Variants in KIF26B observed in about 807,000 individuals in gnomAD.
KIF26B encodes kinesin family member 26B, also known as kinesin-like protein KIF26B.
In KIF26B, 63 loss-of-function variants were observed where a neutral mutation model predicts 151.2. The ratio of observed to expected loss-of-function variants is 0.42; its 90% CI spans 0.34 to 0.51. The LOEUF (loss-of-function observed/expected upper bound fraction) is 0.51, where lower values mean the gene tolerates loss of function less well. Among genes scored for constraint, KIF26B ranks in the 20% least tolerant of loss-of-function variants. KIF26B has a pLI of 0.07. For missense variants in KIF26B, 2,813 were observed against 2,913.6 expected, an observed-to-expected ratio of 0.97 and a Z score of 0.79; for synonymous variants, 1,357 against 1,262.1, an observed-to-expected ratio of 1.08 and a Z score of -1.59.
At chr1:245,588,295 TC>T (rs1366345971) in intron 5 of KIF26B, among the ~76,000 whole-genome samples, 1 of 152,152 alleles carries the variant, frequency 6.6e-6, no homozygotes, top group Admixed American at 6.5e-5. Flanking sequence ...AGAAGACACG[TC>T]CTCCTAATGA....
intron 4 of KIF26B, among the ~76,000 whole-genome samples, chr1:245,430,566 C>T (rs1658752614): frequency 6.6e-6 from 1 of 152,050 alleles, no homozygotes; most frequent in African/African-American, 2.4e-5. Flanking sequence ...ACTTGCGGGG[C>T]TGGGGCAGGA....
At chr1:245,247,031 G>A (rs866914399) in intron 2 of KIF26B, among the ~76,000 whole-genome samples, 1 of 152,050 alleles carries the variant, frequency 6.6e-6, no homozygotes, top group Non-Finnish European at 1.5e-5. Context: ...GATGTAGATT[G>A]TAAGTGCAGA....
At chr1:245,232,548 T>C (rs1670018312) in intron 2 of KIF26B, among the ~76,000 whole-genome samples, 1 of 151,006 alleles carries the variant, frequency 6.6e-6, no homozygotes, top group Non-Finnish European at 1.5e-5. Context: ...TGTGGTTTCA[T>C]TTGTTTTTTT....
chr1:245,190,640 T>TG (rs928314795), intron 2 of KIF26B, among the ~76,000 whole-genome samples: 13 of 56,936 alleles, frequency 2.3e-4, no homozygotes, highest in African/African-American at 4.0e-4. Context: ...TTTTGTTTTG[T>TG]TTTTTTTTTT....
At chr1:245,410,168 G>A (rs1042029522) in intron 3 of KIF26B, among the ~76,000 whole-genome samples, 7 of 152,142 alleles carry the variant, frequency 4.6e-5, no homozygotes, top group African/African-American at 1.7e-4. Context: ...GCTCCTCTCT[G>A]AGTTTCCTTC....
chr1:245,308,149 C>A (rs530862233), intron 2 of KIF26B, among the ~76,000 whole-genome samples: 1 of 152,258 alleles, frequency 6.6e-6, no homozygotes, highest in Admixed American at 6.5e-5. Context: ...TTTAAACCGG[C>A]CTCTGGGTTA....
intron 2 of KIF26B, among the ~76,000 whole-genome samples, chr1:245,292,183 G>A (rs1056745131): frequency 1.1e-4 from 17 of 152,300 alleles, no homozygotes; most frequent in African/African-American, 2.6e-4. Context: ...CATCGAATTC[G>A]CACTAAAGTT....
intron 4 of KIF26B, among the ~76,000 whole-genome samples, chr1:245,438,812 A>G (rs1276991752): frequency 6.6e-6 from 1 of 152,218 alleles, no homozygotes; most frequent in East Asian, 1.9e-4. Flanking sequence ...AAGGCTACAT[A>G]TGCTGTGATT....
chr1:245,595,028 T>TA (rs2043325662), intron 5 of KIF26B, among the ~76,000 whole-genome samples: 1 of 152,234 alleles, frequency 6.6e-6, no homozygotes, highest in South Asian at 2.1e-4. Context: ...TCCTGTGACT[T>TA]TCCTGAATTT....
rs867528367 is a variant in KIF26B at position 245,532,265 on chromosome 1, A to T, written c.1167-8502A>T. 7.4e-3 allele frequency among the ~76,000 whole-genome samples: 361 copies of T among 48,478 alleles called. 4 individuals are homozygous for T. Among genetic ancestry groups the T allele is most frequent in the African/African-American group, 0.024 (326 of 13,772 alleles). 31.8% of individuals were successfully genotyped at this position (48,478 alleles called of 152,430 possible). A position where few individuals can be genotyped will look rare whatever the true frequency, so the allele number is the denominator to read the frequency against. On this transcript the variant is annotated intron_variant, in intron 4 of 14. Transcript: ENST00000407071. Reference sequence around the variant, plus strand: ...TTTCTTTTCTTTTTTTTTTTTTTTGAGACAGAGTCTTGCTCTGTCGCCCAG... The same window carrying T: ...TTTCTTTTCTTTTTTTTTTTTTTTGTGACAGAGTCTTGCTCTGTCGCCCAG...
At chr1:245,522,154 C>T (rs926279717) in intron 4 of KIF26B, among the ~76,000 whole-genome samples, 1 of 152,170 alleles carries the variant, frequency 6.6e-6, no homozygotes, top group African/African-American at 2.4e-5. Flanking sequence ...CAGGTGTGAG[C>T]CACCGCGCCC....
intron 5 of KIF26B, among the ~76,000 whole-genome samples, chr1:245,562,122 C>T (rs2042961870): frequency 6.6e-6 from 1 of 152,092 alleles, no homozygotes; most frequent in South Asian, 2.1e-4. Context: ...CGCGGTGGTG[C>T]TCAGACTTAA....
At chr1:245,161,704 C>T (rs1352721416) in intron 2 of KIF26B, among the ~76,000 whole-genome samples, 4 of 152,046 alleles carry the variant, frequency 2.6e-5, no homozygotes, top group Non-Finnish European at 5.9e-5. Flanking sequence ...CCCTGGAATT[C>T]CAAGTGCTTG....
At chr1:245,669,784 G>C (rs1049954950) in intron 10 of KIF26B, among the ~76,000 whole-genome samples, 1 of 152,078 alleles carries the variant, frequency 6.6e-6, no homozygotes, top group African/African-American at 2.4e-5. Flanking sequence ...TCCAAGAGTC[G>C]CATATAGAAT....
chr1:245,365,601 G>C (rs146468498), intron 2 of KIF26B, among the ~76,000 whole-genome samples: 3 of 151,784 alleles, frequency 2.0e-5, no homozygotes, highest in African/African-American at 7.3e-5. Context: ...TTTCCGAAGG[G>C]CAGATTTTCT....
At chr1:245,198,682 G>T (rs1052022611) in intron 2 of KIF26B, among the ~76,000 whole-genome samples, 1 of 150,168 alleles carries the variant, frequency 6.7e-6, no homozygotes, top group African/African-American at 2.5e-5. Context: ...GATCGAGGTC[G>T]CACCATTGCA....
At chr1:245,276,320 G>A (rs928291029) in intron 2 of KIF26B, among the ~76,000 whole-genome samples, 2 of 151,402 alleles carry the variant, frequency 1.3e-5, no homozygotes, top group African/African-American at 2.4e-5. Context: ...GGGCAACAGA[G>A]ACTTCCATCT....
At chr1:245,290,030 G>A (rs1671229915) in intron 2 of KIF26B, among the ~76,000 whole-genome samples, 1 of 152,044 alleles carries the variant, frequency 6.6e-6, no homozygotes, top group African/African-American at 2.4e-5. Flanking sequence ...TCCCGTCTTA[G>A]CACTTCATCC....
intron 2 of KIF26B, among the ~76,000 whole-genome samples, chr1:245,233,052 CT>C (rs1344986664): frequency 6.6e-6 from 1 of 152,170 alleles, no homozygotes; most frequent in African/African-American, 2.4e-5. Context: ...AGCCTGATTA[CT>C]TGGCATCTTC....
Sources: allele counts gnomAD v4.1 joint callset (sites outside exome capture counted in the v4.1 genomes callset), GRCh38; gene constraint gnomAD v4.1.1; transcripts MANE v1.5; gene names NCBI Gene and HGNC (gene_info 2026-07-23, HGNC 2026-07-21).